AGBL4: variants seen among roughly 807,000 people sequenced by gnomAD.
AGBL4 encodes AGBL carboxypeptidase 4.
A neutral mutation model predicts 66.4 loss-of-function variants in AGBL4; 58 were observed. That is an observed-to-expected ratio of 0.87 (90% confidence interval 0.71 to 1.09). The LOEUF (loss-of-function observed/expected upper bound fraction) is 1.09. Ranked by LOEUF, AGBL4 falls within the 50% of genes least tolerant of loss-of-function variation. AGBL4 has a pLI of 0.00. For synonymous variants in AGBL4, 234 were observed against 222.9 expected, an observed-to-expected ratio of 1.05 and a Z score of -0.44; for missense variants, 579 against 631.0, an observed-to-expected ratio of 0.92 and a Z score of 0.88.
intron 6 of AGBL4, among the ~76,000 whole-genome samples, chr1:48,696,874 C>T (rs1646721103): frequency 1.3e-5 from 2 of 152,176 alleles, no homozygotes; most frequent in Non-Finnish European, 2.9e-5. Flanking sequence ...AGCCACCTCC[C>T]GGTGTCCCTG....
chr1:50,012,237 T>G (rs1424940205), intron 1 of AGBL4, among the ~76,000 whole-genome samples: 1 of 151,228 alleles, frequency 6.6e-6, no homozygotes, highest in South Asian at 2.1e-4. Context: ...GGATATGGAT[T>G]GAAAAAAAAA....
At chr1:49,613,076 G>T (rs545463674) in intron 3 of AGBL4, among the ~76,000 whole-genome samples, 7 of 152,120 alleles carry the variant, frequency 4.6e-5, no homozygotes, top group Non-Finnish European at 1.0e-4. Context: ...CATGTATTCT[G>T]CAGCAACATG....
intron 6 of AGBL4, among the ~76,000 whole-genome samples, chr1:48,675,708 C>G (rs750129703): frequency 6.6e-6 from 1 of 152,190 alleles, no homozygotes; most frequent in African/African-American, 2.4e-5. Context: ...TGATATCACA[C>G]AGCAGTCACA....
chr1:49,439,423 CTT>C (rs879852315), intron 3 of AGBL4, among the ~76,000 whole-genome samples: 81 of 152,162 alleles, frequency 5.3e-4, no homozygotes, highest in Non-Finnish European at 1.1e-3. Flanking sequence ...CCATTGGTCT[CTT>C]TGTCTTCTAC....
At chr1:49,691,960 A>C (rs1646896505) in intron 3 of AGBL4, among the ~76,000 whole-genome samples, 1 of 152,120 alleles carries the variant, frequency 6.6e-6, no homozygotes, top group Non-Finnish European at 1.5e-5. Flanking sequence ...CCTTGTGATC[A>C]TGTGAGTTAA....
chr1:49,067,002 G>A (rs1447042170), intron 4 of AGBL4, among the ~76,000 whole-genome samples: 1 of 152,186 alleles, frequency 6.6e-6, no homozygotes, highest in Non-Finnish European at 1.5e-5. Flanking sequence ...ATTCTGAGAT[G>A]AACAAAACAC....
intron 3 of AGBL4, among the ~76,000 whole-genome samples, chr1:49,342,866 T>G (rs1645567506): frequency 6.6e-6 from 1 of 152,196 alleles, no homozygotes; most frequent in Non-Finnish European, 1.5e-5. Context: ...GAAAATATCT[T>G]GTACACCCGT....
intron 4 of AGBL4, among the ~76,000 whole-genome samples, chr1:49,119,359 A>C (rs957591322): frequency 3.9e-5 from 6 of 152,114 alleles, no homozygotes; most frequent in Non-Finnish European, 8.8e-5. Flanking sequence ...CCCTCTACAC[A>C]CTGCTTTAAA....
intron 3 of AGBL4, among the ~76,000 whole-genome samples, chr1:49,690,568 G>T (rs1646867221): frequency 6.6e-6 from 1 of 151,986 alleles, no homozygotes; most frequent in Non-Finnish European, 1.5e-5. Flanking sequence ...GCAAAATGGG[G>T]GTTAGGATAC....
intron 3 of AGBL4, among the ~76,000 whole-genome samples, chr1:49,636,221 G>A (rs943038268): frequency 6.6e-6 from 1 of 152,244 alleles, no homozygotes; most frequent in Admixed American, 6.5e-5. Context: ...CACAGTTCTG[G>A]GCATTGGTAA....
intron 3 of AGBL4, among the ~76,000 whole-genome samples, chr1:49,655,863 G>A (rs1646117288): frequency 6.6e-6 from 1 of 152,002 alleles, no homozygotes; most frequent in Non-Finnish European, 1.5e-5. Context: ...AATCATAAAG[G>A]GGGTGCTGGG....
At chr1:49,057,892 T>G (rs1644335014) in intron 4 of AGBL4, among the ~76,000 whole-genome samples, 1 of 151,824 alleles carries the variant, frequency 6.6e-6, no homozygotes, top group Non-Finnish European at 1.5e-5. Flanking sequence ...CTGAATGGAG[T>G]GAATGTGTAT....
At chr1:49,802,380 C>T (rs985214124) in intron 2 of AGBL4, among the ~76,000 whole-genome samples, 1 of 152,232 alleles carries the variant, frequency 6.6e-6, no homozygotes, top group Middle Eastern at 3.4e-3. Context: ...CTGGTCTAAC[C>T]GGTTGTCTAG....
At chr1:49,851,540 A>G in intron 1 of AGBL4, 22 bp from the exon 2 acceptor site, 2 of 1,543,958 alleles carry the variant, frequency 1.3e-6, no homozygotes, top group Non-Finnish European at 1.7e-6. Flanking sequence ...AATTGAAATA[A>G]AAGTCAAAGT....
In AGBL4 at chr1:49,851,418, G is replaced by T; in HGVS notation, c.135C>A (p.Ile45=). 1 of 1,549,430 alleles carries T rather than the reference G, an allele frequency of 6.5e-7. No individual in the cohort carries two copies. The highest frequency in any genetic ancestry group is 8.7e-7 in the Non-Finnish European group (1 of 1,145,794). Residue 45 remains isoleucine, a synonymous_variant, in exon 2 of 14, where the codon ATC becomes ATA. Transcript: ENST00000371839. ...YCGQPKKGHL[I]FDACFESGNL... The stretch of plus-strand genomic sequence containing the variant: ...TACCACTTTCAAAGCAAGCATCAAA[G>T]ATAAGATGTCCTTTCTTGGGCTGTC...
intron 6 of AGBL4, among the ~76,000 whole-genome samples, chr1:48,741,579 G>A (rs1294324559): frequency 6.6e-6 from 1 of 152,246 alleles, no homozygotes; most frequent in Non-Finnish European, 1.5e-5. Flanking sequence ...ACATCCAAGA[G>A]AGTCCTGAAA....
chr1:49,936,366 G>A (rs1470388921), intron 1 of AGBL4, among the ~76,000 whole-genome samples: 2 of 152,144 alleles, frequency 1.3e-5, no homozygotes, highest in East Asian at 1.9e-4. Flanking sequence ...TCTGATTGGG[G>A]TACCTTAAAG....
intron 9 of AGBL4, among the ~76,000 whole-genome samples, chr1:48,608,889 G>T (rs886236714): frequency 3.3e-5 from 5 of 152,002 alleles, no homozygotes. Flanking sequence ...CATTTGTATG[G>T]TACTTTGTAA....
intron 5 of AGBL4, among the ~76,000 whole-genome samples, chr1:49,032,263 G>T (rs897157600): frequency 2.0e-5 from 3 of 152,140 alleles, no homozygotes; most frequent in African/African-American, 4.8e-5. Context: ...CAGAGTGGAT[G>T]TTCAATGGGT....
Sources: gnomAD v4.1 joint callset for allele counts (sites outside exome capture counted in the v4.1 genomes callset) on GRCh38, gnomAD v4.1.1 for gene constraint, MANE v1.5 for transcripts, NCBI Gene and HGNC (gene_info 2026-07-23, HGNC 2026-07-21) for gene names.